CFAP45: variants seen among roughly 807,000 people sequenced by gnomAD.
CFAP45 encodes cilia- and flagella-associated protein 45.
In CFAP45, 43 loss-of-function variants were observed where a neutral mutation model predicts 75.6. That is an observed-to-expected ratio of 0.57 (90% confidence interval 0.45 to 0.73). CFAP45 has a LOEUF of 0.73. CFAP45 is among the 30% of genes least tolerant of loss of function. The pLI is 0.00. For synonymous variants in CFAP45, 223 were observed against 244.6 expected, an observed-to-expected ratio of 0.91 and a Z score of 0.82; for missense variants, 689 against 701.5, an observed-to-expected ratio of 0.98 and a Z score of 0.20.
chr1:159,875,743 C>A (rs904456635), intron 10 of CFAP45, among the ~76,000 whole-genome samples: 8 of 152,326 alleles, frequency 5.3e-5, no homozygotes, highest in African/African-American at 1.9e-4. Flanking sequence ...AAAAGAGAGT[C>A]ATTCCCAGTT....
chr1:159,883,240 C>T (rs1649591529), intron 7 of CFAP45, among the ~76,000 whole-genome samples: 1 of 152,142 alleles, frequency 6.6e-6, no homozygotes, highest in Admixed American at 6.5e-5. Flanking sequence ...TTAAAGGCAA[C>T]TGGCCTAGAT....
Position 159,873,053 on chromosome 1 carries a change from C to A in CFAP45, c.1468G>T (p.Val490Leu), listed in dbSNP as rs1367929505. The A allele has an allele frequency of 1.9e-6, 3 of 1,614,260 alleles. No homozygotes were observed. Among genetic ancestry groups the A allele is most frequent in the Non-Finnish European group, 2.5e-6 (3 of 1,180,048 alleles). Reference protein sequence around the residue: ...RQVRENQQKEVQNRIATFEEG... With the variant: ...RQVRENQQKELQNRIATFEEG... ...TCAAAGGTGGCAATCCGGTTCTGCACTTCCTTCTGCTGGTTCTCGCGCACC... is the reference window on the plus strand; with the variant it reads ...TCAAAGGTGGCAATCCGGTTCTGCAATTCCTTCTGCTGGTTCTCGCGCACC... The change falls in exon 11 of 12, where the codon GTG (valine) becomes TTG (leucine). Residue 490 changes from valine to leucine, a missense_variant. Physicochemically the swap from Val to Leu is conservative, Grantham distance 32. Transcript: ENST00000368099.
At chr1:159,894,162 C>T (rs188951794) in intron 1 of CFAP45, among the ~76,000 whole-genome samples, 6 of 152,146 alleles carry the variant, frequency 3.9e-5, no homozygotes, top group Admixed American at 3.9e-4. Context: ...TTTTTAAGAG[C>T]ATTTCTGTAG....
intron 7 of CFAP45, among the ~76,000 whole-genome samples, chr1:159,881,651 G>C (rs1486056204): frequency 6.6e-6 from 1 of 152,222 alleles, no homozygotes; most frequent in African/African-American, 2.4e-5. Flanking sequence ...AAGAAAAAAA[G>C]TTCTTAGACA....
chr1:159,872,983 C>G lies in CFAP45; in HGVS notation c.1538G>C (p.Arg513Pro), dbSNP rs142022446. ...LKEEAQKRRERIDEIKRKKLE... is the reference protein window; with the variant it reads ...LKEEAQKRREPIDEIKRKKLE... ...CTTTTTCCTCTTGATCTCATCGATGCGCTCACGGCGTTTCTGGGCCTCCTC... is the reference window on the plus strand; with the variant it reads ...CTTTTTCCTCTTGATCTCATCGATGGGCTCACGGCGTTTCTGGGCCTCCTC... Residue 513 changes from arginine (R) to proline (P), a missense_variant, in exon 11 of 12, where the codon CGC (arginine) becomes CCC (proline). Physicochemically the swap from Arg to Pro is moderately radical, Grantham distance 103. Coordinates refer to ENST00000368099, the MANE Select transcript of CFAP45 (RefSeq NM_012337.3). The G allele has an allele frequency of 6.2e-7, 1 of 1,614,234 alleles. No homozygotes were observed.
At chr1:159,897,384 G>A (rs1240545675) in intron 1 of CFAP45, among the ~76,000 whole-genome samples, 10 of 152,156 alleles carry the variant, frequency 6.6e-5, no homozygotes, top group Admixed American at 6.5e-4. Flanking sequence ...AGGAATTTGA[G>A]ACCAGCCTGT....
At chr1:159,888,071 C>CATGAAA in intron 4 of CFAP45, 60 bp from the exon 5 acceptor site, 1 of 1,556,630 alleles carries the variant, frequency 6.4e-7, no homozygotes, top group Non-Finnish European at 8.8e-7. Flanking sequence ...GCCCTGGGCG[C>CATGAAA]TAGCCTGGCT....
intron 6 of CFAP45, among the ~76,000 whole-genome samples, chr1:159,886,094 C>A (rs913336377): frequency 8.5e-5 from 13 of 152,100 alleles, no homozygotes; most frequent in Non-Finnish European, 1.9e-4. Context: ...GTAATCCCAG[C>A]ACTTTGGGAG....
In CFAP45 at chr1:159,886,552, C is replaced by T. The variant is rs1354812806; in HGVS notation, c.726G>A (p.Arg242=). ...TCCTCTTCCTCTCCAGTTCCTCCTG[C>T]CTTTGAATGGATTTCTGCCGCTCCA... ...MEVERQKSIQ[R]QEELERKRRE... is the part of the protein sequence containing the mutation. Residue 242 remains arginine (R), a synonymous_variant, in exon 6 of 12, where the codon AGG becomes AGA. Transcript: ENST00000368099. 1 of 1,614,176 alleles carries T rather than the reference C, an allele frequency of 6.2e-7. No individual in the cohort carries two copies. The highest frequency in any genetic ancestry group is 1.7e-5 in the Admixed American group (1 of 60,020).
chr1:159,886,682 A>G lies in CFAP45; in HGVS notation c.596T>C (p.Leu199Pro), dbSNP rs1289440367. ...CCGGATGGCATGGCACTTAGCATTG[A>G]GGATAATCTGGAGAGTGGAGATTAA... ...EELKDMSKII[L>P]NAKCHAIRDA... Residue 199 changes from leucine to proline, a missense_variant, in exon 6 of 12, where the codon CTC (leucine) becomes CCC (proline). Transcript: ENST00000368099. 1 of 1,613,884 alleles carries G rather than the reference A, an allele frequency of 6.2e-7. No individual in the cohort carries two copies. The highest frequency in any genetic ancestry group is 1.7e-5 in the Admixed American group (1 of 60,012).
intron 1 of CFAP45, chr1:159,898,025 G>T: frequency 1.3e-6 from 1 of 798,502 alleles, no homozygotes; most frequent in Non-Finnish European, 1.5e-6. Context: ...TAAACAGGTT[G>T]ACATGTTCAG....
Position 159,872,381 on chromosome 1 carries a change from T to A in CFAP45, c.*104A>T. The stretch of plus-strand genomic sequence containing the variant: ...GCTGTTCCTTAAAGTCAAGTAGATT[T>A]AATCTGTAACTATGAAATGTCTAGG... On this transcript the variant is annotated 3_prime_UTR_variant, in exon 12 of 12. Transcript: ENST00000368099. The A allele has an allele frequency of 2.2e-6, 2 of 917,198 alleles. No individual in the cohort carries two copies. The highest frequency in any genetic ancestry group is 3.6e-6 in the Non-Finnish European group (2 of 552,192). 56.8% of individuals were successfully genotyped at this position (917,198 alleles called of 1,614,324 possible). A position where few individuals can be genotyped will look rare whatever the true frequency, so the allele number is the denominator to read the frequency against.
intron 2 of CFAP45, 22 bp from the exon 3 acceptor site, chr1:159,890,644 CT>C (rs374903474): frequency 9.3e-6 from 15 of 1,611,812 alleles, no homozygotes; most frequent in African/African-American, 5.3e-5. Context: ...GAAAGAATAG[CT>C]TAGAAGCTTG....
chr1:159,884,741 C>A (rs1446156782), intron 6 of CFAP45, among the ~76,000 whole-genome samples, 176 bp from the exon 7 acceptor site: 2 of 152,136 alleles, frequency 1.3e-5, no homozygotes, highest in South Asian at 2.1e-4. Context: ...CCAGGAAGGA[C>A]CTCAAGGGTT....
In CFAP45 at chr1:159,900,124, G is replaced by C. The variant is rs1272583559; in HGVS notation, c.-26C>G. 2 of 1,614,006 alleles carry C rather than the reference G, an allele frequency of 1.2e-6. No homozygotes were observed. Among genetic ancestry groups the C allele is most frequent in the South Asian group, 1.1e-5 (1 of 91,064 alleles). On this transcript the variant is annotated 5_prime_UTR_variant, in exon 1 of 12. Coordinates refer to ENST00000368099, the MANE Select transcript of CFAP45 (RefSeq NM_012337.3). ...CTCCTCAGCCACACGCCCTGACTCC[G>C]GACTTCTGCTGCCGCCTCGGCGCCG...
At chr1:159,874,896 A>T (rs1649362622) in intron 10 of CFAP45, among the ~76,000 whole-genome samples, 2 of 152,256 alleles carry the variant, frequency 1.3e-5, no homozygotes, top group Admixed American at 1.3e-4. Context: ...CTGCTTAGTC[A>T]ACAGGCTGAG....
chr1:159,892,712 A>G (rs1241603042), intron 2 of CFAP45, among the ~76,000 whole-genome samples: 2 of 152,196 alleles, frequency 1.3e-5, no homozygotes, highest in African/African-American at 4.8e-5. Flanking sequence ...ACACTTGCAA[A>G]TAAAGACCTG....
At chr1:159,890,918 C>T (rs1475348202) in intron 2 of CFAP45, among the ~76,000 whole-genome samples, 3 of 152,048 alleles carry the variant, frequency 2.0e-5, no homozygotes, top group African/African-American at 7.3e-5. Flanking sequence ...ACCACCATGC[C>T]TGGCTAATTT....
intron 2 of CFAP45, among the ~76,000 whole-genome samples, chr1:159,891,164 G>A (rs1390487768): frequency 1.3e-5 from 2 of 152,198 alleles, no homozygotes; most frequent in Admixed American, 1.3e-4. Context: ...TCTATACTTA[G>A]TCTAAAATCA....
Sources: allele counts gnomAD v4.1 joint callset (sites outside exome capture counted in the v4.1 genomes callset), GRCh38; gene constraint gnomAD v4.1.1; transcripts MANE v1.5; gene names NCBI Gene and HGNC (gene_info 2026-07-23, HGNC 2026-07-21).